The following IAH1 variants were observed in gnomAD, a reference collection of about 807,000 sequenced individuals.
IAH1 encodes the protein isoamyl acetate-hydrolyzing esterase 1 homolog.
In IAH1, 24 loss-of-function variants were observed where a neutral mutation model predicts 26.7. That is an observed-to-expected ratio of 0.90 (90% CI 0.65 to 1.26). IAH1 has a LOEUF of 1.26. Among genes scored for constraint, IAH1 ranks in the 50% most tolerant of loss-of-function variants. The pLI, the probability that IAH1 is intolerant of heterozygous loss-of-function variation, is 0.00. For synonymous variants in IAH1, 140 were observed against 118.5 expected (o/e 1.18, Z -1.18); for missense variants, 300 against 299.9 (o/e 1.00, Z 0.00).
chr2:9,474,545 C>CCCCGG, upstream of IAH1: 1 of 1,429,600 alleles, frequency 7.0e-7, no homozygotes, highest in Non-Finnish European at 9.2e-7. This position sits in a 1 kb window ranked among gnomAD's most constrained non-coding sequence, Gnocchi z 4.3. Flanking sequence ...GGCGGCCCCG[C>CCCCGG]CCCGCCCCGC....
At chr2:9,476,380 T>C (rs1281354883) in intron 2 of IAH1, among the ~76,000 whole-genome samples, 2 of 152,234 alleles carry the variant, frequency 1.3e-5, no homozygotes, top group Admixed American at 1.3e-4. Flanking sequence ...GGAAGCTACT[T>C]TGCCTTTTTT....
intron 3 of IAH1, 90 bp downstream of exon 3, chr2:9,478,460 T>C: frequency 2.4e-6 from 3 of 1,261,794 alleles, no homozygotes; most frequent in Non-Finnish European, 3.3e-6. Flanking sequence ...TTCAACTGTT[T>C]ACTTTCTCCC....
chr2:9,475,364 C>A, intron 1 of IAH1: 1 of 410,940 alleles, frequency 2.4e-6, no homozygotes. Context: ...TGCCGAATTC[C>A]ATGGGAATGT....
At chr2:9,482,457 C>T (rs1411524336) in intron 4 of IAH1, among the ~76,000 whole-genome samples, 6 of 152,128 alleles carry the variant, frequency 3.9e-5, no homozygotes, top group African/African-American at 1.4e-4. Flanking sequence ...GATTTCTGGA[C>T]CCATTTTCAG....
At chr2:9,478,012 G>A (rs935128698) in intron 2 of IAH1, among the ~76,000 whole-genome samples, 7 of 152,092 alleles carry the variant, frequency 4.6e-5, no homozygotes, top group African/African-American at 1.7e-4. Context: ...TCTCACGGAG[G>A]AGTATGGTGT....
chr2:9,487,833 T>C (rs12473615), intron 5 of IAH1, among the ~76,000 whole-genome samples: 9,889 of 81,914 alleles, frequency 0.12, 542 homozygotes, highest in Admixed American at 0.27. Flanking sequence ...TGTGTGTGTG[T>C]GCGCGCGCGC....
At chr2:9,483,081 T>C (rs1371969346) in intron 4 of IAH1, among the ~76,000 whole-genome samples, 2 of 152,242 alleles carry the variant, frequency 1.3e-5, no homozygotes, top group East Asian at 1.9e-4. Context: ...GACTTCTTTT[T>C]GTCTACTGTT....
chr2:9,501,146 A>G (rs1415993353), downstream of IAH1, among the ~76,000 whole-genome samples: 1 of 152,256 alleles, frequency 6.6e-6, no homozygotes, highest in East Asian at 1.9e-4. Flanking sequence ...TTAAAAAATG[A>G]ACCAAATATA....
At chr2:9,509,856 T>C in the IAH1 span, 6 of 1,273,046 alleles carry the variant, frequency 4.7e-6, no homozygotes, top group Non-Finnish European at 5.4e-6. Context: ...CAAGGTACTT[T>C]GTAATTTGCA....
intron 1 of IAH1, chr2:9,475,660 C>A (rs564494855): frequency 2.9e-6 from 1 of 345,224 alleles, no homozygotes; most frequent in Admixed American, 4.4e-5. Flanking sequence ...GCCACCACAC[C>A]GGGCTAATTT....
At chr2:9,499,440 T>TCA (rs1219523248), downstream of IAH1, among the ~76,000 whole-genome samples, 1 of 152,036 alleles carries the variant, frequency 6.6e-6, no homozygotes, top group East Asian at 1.9e-4. Context: ...CTTGCTCTGT[T>TCA]GCCCAGGCTG....
At chr2:9,479,991 TAG>T (rs1661071347) in intron 3 of IAH1, among the ~76,000 whole-genome samples, 1 of 151,828 alleles carries the variant, frequency 6.6e-6, no homozygotes, top group African/African-American at 2.4e-5. Context: ...GTATTTTTAG[TAG>T]AGACAGGGTT....
the IAH1 span, chr2:9,509,848 A>C: frequency 9.3e-6 from 11 of 1,183,530 alleles, no homozygotes; most frequent in South Asian, 1.5e-4. Flanking sequence ...CCACGTTTCA[A>C]GGTACTTTGT....
downstream of IAH1, among the ~76,000 whole-genome samples, chr2:9,494,119 C>T (rs568773002): frequency 6.6e-6 from 1 of 152,162 alleles, no homozygotes; most frequent in African/African-American, 2.4e-5. Flanking sequence ...TCTACACATA[C>T]ACAGTGGACA....
chr2:9,494,420 C>T (rs543954360), downstream of IAH1, among the ~76,000 whole-genome samples: 24 of 152,266 alleles, frequency 1.6e-4, no homozygotes, highest in African/African-American at 5.1e-4. Context: ...CCTTCTCAGT[C>T]TCTGGGCTCA....
the IAH1 span, chr2:9,505,546 C>T: frequency 1.6e-6 from 1 of 617,790 alleles, no homozygotes; most frequent in Non-Finnish European, 2.8e-6. Context: ...CTGGGAACCT[C>T]CCTCCATAGA....
At chr2:9,483,886 G>A (rs1453118341) in intron 4 of IAH1, among the ~76,000 whole-genome samples, 2 of 152,224 alleles carry the variant, frequency 1.3e-5, no homozygotes, top group East Asian at 3.8e-4. Flanking sequence ...AAAGCTTCAG[G>A]ACGGTTAAGC....
chr2:9,475,508 T>C (rs573377462), intron 1 of IAH1, among the ~76,000 whole-genome samples: 1 of 152,150 alleles, frequency 6.6e-6, no homozygotes, highest in South Asian at 2.1e-4. Flanking sequence ...TTTTTCTTTT[T>C]TTCTTTTTTT....
the IAH1 span, among the ~76,000 whole-genome samples, chr2:9,506,371 T>G: frequency 1.0e-4 from 15 of 144,748 alleles, no homozygotes; most frequent in Admixed American, 8.2e-4. Flanking sequence ...TTTTTTTTTT[T>G]TTTTTTTTTT....
Sources: gnomAD v4.1 joint callset for allele counts (sites outside exome capture counted in the v4.1 genomes callset) on GRCh38, gnomAD v4.1.1 for gene constraint, Gnocchi (gnomAD v3.1) non-coding constraint, MANE v1.5 for transcripts, NCBI Gene and HGNC (gene_info 2026-07-23, HGNC 2026-07-21) for gene names.